The following SLC7A1 variants were observed in gnomAD, a reference collection of about 807,000 sequenced individuals.
SLC7A1 encodes the protein solute carrier family 7 member 1.
SLC7A1 carries 10 observed loss-of-function variants against 53.9 expected under a neutral mutation model. The ratio of observed to expected loss-of-function variants is 0.19; its 90% CI spans 0.11 to 0.31. The LOEUF is 0.31. Among genes scored for constraint, SLC7A1 ranks in the 10% least tolerant of loss-of-function variants. The pLI, the probability that SLC7A1 is intolerant of heterozygous loss-of-function variation, is 1.00. For missense variants in SLC7A1, 525 were observed against 827.2 expected (o/e 0.63, Z 4.48); for synonymous variants, 342 against 338.7 (o/e 1.01, Z -0.11).
rs1870890685 is a variant in SLC7A1 at position 29,564,590 on chromosome 13, A to T, written c.-114-10730T>A. On this transcript the variant is annotated intron_variant, in intron 1 of 12. Transcript: ENST00000380752. Reference sequence around the variant, plus strand: ...AGGGCAAGAGCCATAATGAAATTATAGTACAAGTTTAATTAGATGCAAGGA... The same window carrying T: ...AGGGCAAGAGCCATAATGAAATTATTGTACAAGTTTAATTAGATGCAAGGA... Among the ~76,000 whole-genome samples, 7 of 152,356 alleles carry T rather than the reference A, an allele frequency of 4.6e-5. No individual in the cohort carries two copies. The South Asian group carries it at 1.4e-3, about 32-fold the overall frequency.
In SLC7A1 at chr13:29,575,100, G is replaced by C. The variant is rs921777452; in HGVS notation, c.-115+20316C>G. Among the ~76,000 whole-genome samples the C allele has an allele frequency of 4.6e-5, 7 of 152,312 alleles. No individual in the cohort carries two copies. The South Asian group carries it at 1.2e-3, about 27-fold the overall frequency. ...ATATGCTAAGATTCACAAAAATAAA[G>C]CAGAGAAGAAAAGCTACCACCTCCT... On this transcript the variant is annotated intron_variant, in intron 1 of 12. Transcript: ENST00000380752.
chr13:29,525,035 C>T (rs932988555), intron 5 of SLC7A1, among the ~76,000 whole-genome samples: 7 of 152,194 alleles, frequency 4.6e-5, no homozygotes, highest in African/African-American at 1.7e-4. Flanking sequence ...CCTTCAAGCC[C>T]TTGTTCCCTG....
intron 1 of SLC7A1, among the ~76,000 whole-genome samples, chr13:29,555,357 C>CA (rs538934310): frequency 0.084 from 1,570 of 18,732 alleles, 341 homozygotes; most frequent in African/African-American, 0.16. Context: ...GACTCCGTCT[C>CA]AAAAAAAAAA....
At chr13:29,546,566 T>C (rs1009983651) in intron 2 of SLC7A1, among the ~76,000 whole-genome samples, 2 of 152,184 alleles carry the variant, frequency 1.3e-5, no homozygotes, top group African/African-American at 4.8e-5. Flanking sequence ...GACTGATATT[T>C]TCCCACTCAC....
chr13:29,563,172 T>C (rs1870833090), intron 1 of SLC7A1, among the ~76,000 whole-genome samples: 1 of 152,216 alleles, frequency 6.6e-6, no homozygotes, highest in Non-Finnish European at 1.5e-5. Context: ...TGACAATGTC[T>C]GGAGACATTT....
intron 2 of SLC7A1, among the ~76,000 whole-genome samples, chr13:29,542,575 C>A (rs1035252614): frequency 6.6e-6 from 1 of 151,624 alleles, no homozygotes; most frequent in Non-Finnish European, 1.5e-5. Context: ...CCCAGCTACT[C>A]AGGAGGCTGA....
rs964082463 is a variant in SLC7A1 at position 29,510,494 on chromosome 13, T to C, written c.*3986A>G. The C allele has an allele frequency of 2.0e-5, 3 of 152,354 alleles. No individual in the cohort carries two copies. The highest frequency in any genetic ancestry group is 7.2e-5 in the African/African-American group (3 of 41,462). 9.4% of individuals were successfully genotyped at this position (152,354 alleles called of 1,614,324 possible). ...CTTACATATAATCTTCTCATGACGA[T>C]GGCAAACAGATATATTTTAAATTAC... is the stretch of plus-strand genomic sequence containing the variant. On this transcript the variant is annotated 3_prime_UTR_variant, in exon 13 of 13. Transcript: ENST00000380752.
intron 4 of SLC7A1, among the ~76,000 whole-genome samples, chr13:29,531,316 G>C (rs192999973): frequency 1.3e-5 from 2 of 149,868 alleles, no homozygotes; most frequent in African/African-American, 4.9e-5. Flanking sequence ...GCAAACTCAC[G>C]TTTTTTTTTT....
intron 5 of SLC7A1, among the ~76,000 whole-genome samples, chr13:29,525,223 T>C (rs1035919423): frequency 2.0e-5 from 3 of 152,216 alleles, no homozygotes; most frequent in Non-Finnish European, 4.4e-5. Flanking sequence ...GAAAAGCAAT[T>C]GCACTCCTTG....
chr13:29,514,534 G>A lies in SLC7A1; in HGVS notation c.1836C>T (p.Ser612=). The change falls in exon 13 of 13, where the codon TCC becomes TCT. Residue 612 remains serine (S), a synonymous_variant. Coordinates refer to ENST00000380752, the MANE Select transcript of SLC7A1 (RefSeq NM_003045.5). ...GYGLWHSEEA[S]LDADQARTPD... is the part of the protein sequence containing the mutation. ...GAGTCCTTGCTTGGTCGGCATCCAG[G>A]GACGCCTCCTCGCTGTGCCACAGGC... The A allele has an allele frequency of 6.2e-7, 1 of 1,611,470 alleles. No individual in the cohort carries two copies. The highest frequency in any genetic ancestry group is 8.5e-7 in the Non-Finnish European group (1 of 1,179,850).
intron 2 of SLC7A1, among the ~76,000 whole-genome samples, chr13:29,539,763 ACTT>A (rs1288802011): frequency 3.3e-5 from 5 of 152,206 alleles, no homozygotes; most frequent in Non-Finnish European, 4.4e-5. Context: ...TACCTTGGTT[ACTT>A]CTTAAGTATT....
chr13:29,519,376 T>C lies in SLC7A1; in HGVS notation c.1292+71A>G, dbSNP rs868553520. ...AAAGTTTCATTCATCACATAAACCA[T>C]AGCTGAACTGTGAAAAGGCTACCAG... On this transcript the variant is annotated intron_variant, in intron 9 of 12. Transcript: ENST00000380752. 17 of 898,060 alleles carry C rather than the reference T, an allele frequency of 1.9e-5. No individual in the cohort carries two copies. In the South Asian group the frequency reaches 2.0e-4, roughly 11 times the overall value. The allele number at this position is 898,060 out of a possible 1,614,324, so 55.6% of individuals were successfully genotyped here. A position where few individuals can be genotyped will look rare whatever the true frequency, so the allele number is the denominator to read the frequency against.
At chr13:29,559,891 A>G (rs1229459494) in intron 1 of SLC7A1, among the ~76,000 whole-genome samples, 1 of 151,800 alleles carries the variant, frequency 6.6e-6, no homozygotes, top group Non-Finnish European at 1.5e-5. Context: ...AATTTTTTGT[A>G]TTTTTAGTAG....
rs1338920137 is a variant in SLC7A1 at position 29,595,510 on chromosome 13, C to CGGGGA, written c.-210_-209insTCCCC. Reference sequence around the variant, plus strand: ...CGGACGCTCGGCCGGCGAGACCGGGCGGGGCGGGGCGGGGCGGGGGCGCGG... The same window carrying CGGGGA: ...CGGACGCTCGGCCGGCGAGACCGGGCGGGGAGGGGCGGGGCGGGGCGGGGGCGCGG... On this transcript the variant is annotated 5_prime_UTR_variant, in exon 1 of 13. An upstream open reading frame in the 5' UTR gains an earlier in-frame stop. Transcript: ENST00000380752. 1.4e-4 allele frequency: 1 copy of CGGGGA among 7,026 alleles called. No individual in the cohort carries two copies. Among genetic ancestry groups the CGGGGA allele is most frequent in the Non-Finnish European group, 2.7e-4 (1 of 3,722 alleles). 0.4% of individuals were successfully genotyped at this position (7,026 alleles called of 1,614,324 possible).
At chr13:29,584,758 A>G (rs1157892898) in intron 1 of SLC7A1, among the ~76,000 whole-genome samples, 3 of 152,248 alleles carry the variant, frequency 2.0e-5, no homozygotes, top group Non-Finnish European at 2.9e-5. Flanking sequence ...TTCTTAAGCA[A>G]AAGTCCATCC....
chr13:29,532,799 ATC>A lies in SLC7A1; in HGVS notation c.529+23_529+24del, dbSNP rs749272756. On this transcript the variant is annotated intron_variant, in intron 4 of 12. Coordinates refer to ENST00000380752, the MANE Select transcript of SLC7A1 (RefSeq NM_003045.5). ...AACCTTTGCCCATCACTCTGACCCGATCTCTTTTTAAGTGTGGGCTTTACCTG... is the reference window on the plus strand; with the variant it reads ...AACCTTTGCCCATCACTCTGACCCGATCTTTTTAAGTGTGGGCTTTACCTG... 51 of 1,595,984 alleles carry A rather than the reference ATC, an allele frequency of 3.2e-5. No homozygotes were observed. In the Admixed American group the frequency reaches 6.8e-4, roughly 21 times the overall value.
chr13:29,546,049 T>C (rs940788761), intron 2 of SLC7A1, among the ~76,000 whole-genome samples: 2 of 152,096 alleles, frequency 1.3e-5, no homozygotes, highest in South Asian at 2.1e-4. Flanking sequence ...CCTATCCTAT[T>C]GGAGCCAGGG....
At chr13:29,534,843 A>G (rs1440825203) in intron 3 of SLC7A1, among the ~76,000 whole-genome samples, 1 of 152,186 alleles carries the variant, frequency 6.6e-6, no homozygotes, top group Non-Finnish European at 1.5e-5. Context: ...GGCCGTTTGT[A>G]CCCTTTGCTT....
At chr13:29,574,331 C>T (rs149831940) in intron 1 of SLC7A1, among the ~76,000 whole-genome samples, 5,193 of 152,296 alleles carry the variant, frequency 0.034, 140 homozygotes, top group South Asian at 0.067. Context: ...ACAGAGCTCC[C>T]CATTCAGAGC....
Sources: allele counts gnomAD v4.1 joint callset (sites outside exome capture counted in the v4.1 genomes callset), GRCh38; gene constraint gnomAD v4.1.1; transcripts MANE v1.5; gene names NCBI Gene and HGNC (gene_info 2026-07-23, HGNC 2026-07-21).